The following FAR1 variants were observed in gnomAD, a reference collection of about 807,000 sequenced individuals.
The protein encoded by FAR1 is fatty acyl-CoA reductase 1.
A neutral mutation model predicts 61.1 loss-of-function variants in FAR1; 22 were observed. That is an observed-to-expected ratio of 0.36 (90% CI 0.26 to 0.51). The LOEUF is 0.51. FAR1 is among the 20% of genes least tolerant of loss of function. FAR1 has a pLI of 0.95. For missense variants in FAR1, 359 were observed against 626.9 expected (o/e 0.57, Z 4.56); for synonymous variants, 206 against 209.7 (o/e 0.98, Z 0.15).
intron 1 of FAR1, chr11:13,669,806 C>T (rs1193351479): frequency 1.3e-5 from 2 of 152,140 alleles, no homozygotes; most frequent in Non-Finnish European, 2.9e-5. Context: ...CACAAGAACT[C>T]ACTCCCTCCG....
At chr11:13,693,015 G>C (rs1397798330) in intron 1 of FAR1, among the ~76,000 whole-genome samples, 1 of 152,074 alleles carries the variant, frequency 6.6e-6, no homozygotes, top group Non-Finnish European at 1.5e-5. Context: ...GCTTCCTCTA[G>C]TTTTTTGAGG....
intron 10 of FAR1, among the ~76,000 whole-genome samples, chr11:13,724,418 C>T (rs957076343): frequency 2.6e-5 from 4 of 151,856 alleles, no homozygotes; most frequent in East Asian, 1.9e-4. Context: ...GGCGTGGTGG[C>T]GCATGCCTGT....
intron 1 of FAR1, among the ~76,000 whole-genome samples, chr11:13,684,168 T>C (rs765555943): frequency 2.0e-5 from 3 of 152,244 alleles, no homozygotes. Context: ...TCACATTCCA[T>C]TCAGGAAATC....
intron 1 of FAR1, among the ~76,000 whole-genome samples, chr11:13,683,322 G>A (rs2134298): frequency 0.025 from 3,719 of 151,026 alleles, 144 homozygotes; most frequent in African/African-American, 0.087. Context: ...GAACCTGGGA[G>A]GTGGAGGTTG....
chr11:13,703,749 A>T (rs1397407498), intron 3 of FAR1, among the ~76,000 whole-genome samples: 6 of 152,162 alleles, frequency 3.9e-5, no homozygotes, highest in Admixed American at 3.9e-4. Flanking sequence ...ATACTGACAA[A>T]AAGTGTGGGG....
intron 1 of FAR1, among the ~76,000 whole-genome samples, chr11:13,688,412 T>A (rs892411045): frequency 2.0e-4 from 30 of 152,164 alleles, no homozygotes; most frequent in African/African-American, 6.8e-4. Flanking sequence ...TTTCTGCTAT[T>A]TGGTGGTGAC....
At chr11:13,700,138 G>C (rs908831149) in intron 2 of FAR1, among the ~76,000 whole-genome samples, 179 bp from the exon 3 acceptor site, 2 of 152,056 alleles carry the variant, frequency 1.3e-5, no homozygotes, top group African/African-American at 2.4e-5. Context: ...GGATAATAGC[G>C]TGGGCCTCAT....
intron 1 of FAR1, among the ~76,000 whole-genome samples, chr11:13,678,981 G>A (rs1271161430): frequency 1.3e-5 from 2 of 152,164 alleles, no homozygotes; most frequent in African/African-American, 4.8e-5. Context: ...CTTGGGCGAA[G>A]CGGTATGTAG....
At chr11:13,710,902 G>A (rs933175761) in intron 5 of FAR1, 32 bp downstream of exon 5, 1 of 1,579,378 alleles carries the variant, frequency 6.3e-7, no homozygotes, top group Non-Finnish European at 8.6e-7. Context: ...TAAATAACTG[G>A]AGTTGAGAAT....
At chr11:13,715,741 A>G (rs897354103) in intron 9 of FAR1, 2 of 152,184 alleles carry the variant, frequency 1.3e-5, no homozygotes, top group Non-Finnish European at 1.5e-5. Flanking sequence ...TTTACCACAC[A>G]ATTACAGTGG....
intron 4 of FAR1, among the ~76,000 whole-genome samples, chr11:13,709,774 T>G (rs561735607): frequency 2.6e-5 from 4 of 152,238 alleles, no homozygotes; most frequent in African/African-American, 9.6e-5. Context: ...GAAGAAAATT[T>G]TATCTTGATA....
intron 1 of FAR1, among the ~76,000 whole-genome samples, chr11:13,675,803 G>A (rs892724057): frequency 2.0e-5 from 3 of 151,566 alleles, no homozygotes; most frequent in African/African-American, 7.3e-5. Flanking sequence ...GATCATTCTT[G>A]TCTTACATGA....
intron 3 of FAR1, among the ~76,000 whole-genome samples, chr11:13,703,349 A>G (rs994408940): frequency 1.3e-5 from 2 of 152,104 alleles, no homozygotes; most frequent in African/African-American, 4.8e-5. Context: ...ACACCTGTCT[A>G]ATTTTTGTGT....
chr11:13,729,035 G>A lies in FAR1; in HGVS notation c.*261G>A, dbSNP rs1848694193. Reference sequence around the variant, plus strand: ...ATTTTGAGCCCTAGAAGAAAGGGGTGTGCTGAGGACAAGAGTGGGGAAATA... The same window carrying A: ...ATTTTGAGCCCTAGAAGAAAGGGGTATGCTGAGGACAAGAGTGGGGAAATA... On this transcript the variant is annotated 3_prime_UTR_variant, in exon 12 of 12. Coordinates refer to ENST00000354817, the MANE Select transcript of FAR1 (RefSeq NM_032228.6). 1 of 310,228 alleles carries A rather than the reference G, an allele frequency of 3.2e-6. No individual in the cohort carries two copies. Among genetic ancestry groups the A allele is most frequent in the South Asian group, 4.9e-5 (1 of 20,380 alleles). The allele number at this position is 310,228 out of a possible 1,614,324, so 19.2% of individuals were successfully genotyped here. A position where few individuals can be genotyped will look rare whatever the true frequency, so the allele number is the denominator to read the frequency against.
intron 1 of FAR1, chr11:13,686,472 C>T (rs1441092856): frequency 6.6e-6 from 1 of 151,988 alleles, no homozygotes; most frequent in Non-Finnish European, 1.5e-5. Flanking sequence ...AATTCTAATA[C>T]AGAAAAAGGA....
At chr11:13,688,804 G>T (rs185951375) in intron 1 of FAR1, among the ~76,000 whole-genome samples, 6 of 152,188 alleles carry the variant, frequency 3.9e-5, no homozygotes. Context: ...CCCATATGAG[G>T]TTATTGACAT....
At chr11:13,676,357 CAT>C (rs1321764397) in intron 1 of FAR1, among the ~76,000 whole-genome samples, 2 of 152,030 alleles carry the variant, frequency 1.3e-5, no homozygotes, top group Admixed American at 6.5e-5. Context: ...GAATATATGA[CAT>C]ATGAATGAAT....
intron 9 of FAR1, among the ~76,000 whole-genome samples, chr11:13,715,131 A>T (rs1848541459): frequency 6.6e-6 from 1 of 152,174 alleles, no homozygotes; most frequent in Non-Finnish European, 1.5e-5. Flanking sequence ...TCATGTTGAC[A>T]GGTCAGAAAC....
chr11:13,691,939 G>A (rs543722737), intron 1 of FAR1, among the ~76,000 whole-genome samples: 52 of 152,220 alleles, frequency 3.4e-4, no homozygotes, highest in Admixed American at 7.2e-4. Context: ...AGGCCAAAGT[G>A]GGTGGATCAC....
Sources: gnomAD v4.1 joint callset for allele counts (sites outside exome capture counted in the v4.1 genomes callset) on GRCh38, gnomAD v4.1.1 for gene constraint, MANE v1.5 for transcripts, NCBI Gene and HGNC (gene_info 2026-07-23, HGNC 2026-07-21) for gene names.